The following CLNK variants were observed in gnomAD, a reference collection of about 807,000 sequenced individuals.
CLNK encodes the protein cytokine dependent hematopoietic cell linker.
CLNK carries 74 observed loss-of-function variants against 68.6 expected under a neutral mutation model. The ratio of observed to expected loss-of-function variants is 1.08; its 90% CI spans 0.89 to 1.31. The LOEUF is 1.31. Ranked by LOEUF, CLNK falls within the 50% of genes most tolerant of loss-of-function variation. The pLI is 0.00. For missense variants in CLNK, 553 were observed against 515.3 expected (o/e 1.07, Z -0.71); for synonymous variants, 198 against 172.2 (o/e 1.15, Z -1.17).
intron 16 of CLNK, among the ~76,000 whole-genome samples, chr4:10,509,167 T>C (rs994411933): frequency 2.6e-5 from 4 of 151,116 alleles, no homozygotes; most frequent in Admixed American, 6.6e-5. Context: ...GTTAGGTACG[T>C]GACATCAGGT....
At chr4:10,707,488 C>A in the CLNK span, among the ~76,000 whole-genome samples, 14 of 152,212 alleles carry the variant, frequency 9.2e-5, 1 homozygote, top group Admixed American at 8.5e-4. Context: ...TCAAGATATT[C>A]CACCTACCAC....
chr4:10,623,276 C>G (rs1228617316), intron 2 of CLNK, among the ~76,000 whole-genome samples: 1 of 152,162 alleles, frequency 6.6e-6, no homozygotes, highest in African/African-American at 2.4e-5. Context: ...GGTTGACAGA[C>G]CATTCTCTCC....
intron 2 of CLNK, among the ~76,000 whole-genome samples, chr4:10,652,677 T>C (rs1209794971): frequency 2.6e-5 from 4 of 152,220 alleles, no homozygotes; most frequent in Non-Finnish European, 2.9e-5. Flanking sequence ...GTTTCAATCA[T>C]ACATGTATTT....
intron 2 of CLNK, among the ~76,000 whole-genome samples, chr4:10,652,502 T>C (rs973131940): frequency 4.0e-5 from 6 of 150,832 alleles, no homozygotes; most frequent in African/African-American, 1.5e-4. Context: ...CAATATAAAA[T>C]GATATAAAAG....
chr4:10,630,002 T>C (rs1722822259), intron 2 of CLNK, among the ~76,000 whole-genome samples: 1 of 152,160 alleles, frequency 6.6e-6, no homozygotes, highest in Non-Finnish European at 1.5e-5. Flanking sequence ...ATGCTTGGTG[T>C]TTGGGGACCA....
chr4:10,704,873 A>G, the CLNK span, among the ~76,000 whole-genome samples: 1 of 152,210 alleles, frequency 6.6e-6, no homozygotes, highest in African/African-American at 2.4e-5. Context: ...CATGTTAATC[A>G]AAGCAGACTT....
chr4:10,623,345 A>T (rs1347337385), intron 2 of CLNK, among the ~76,000 whole-genome samples: 1 of 152,170 alleles, frequency 6.6e-6, no homozygotes, highest in Non-Finnish European at 1.5e-5. Flanking sequence ...TCTTTTAATA[A>T]AGCCTCATAC....
intron 1 of CLNK, among the ~76,000 whole-genome samples, chr4:10,684,438 T>C (rs1384779320): frequency 5.3e-5 from 8 of 152,148 alleles, no homozygotes; most frequent in Non-Finnish European, 8.8e-5. Flanking sequence ...CATTTAGTCT[T>C]TTAATTTTCT....
the CLNK span, among the ~76,000 whole-genome samples, chr4:10,716,060 T>C: frequency 6.6e-6 from 1 of 152,230 alleles, no homozygotes; most frequent in African/African-American, 2.4e-5. Flanking sequence ...CAAGATTATT[T>C]TTAAAATTGG....
chr4:10,573,798 A>C (rs1437253773), intron 4 of CLNK, among the ~76,000 whole-genome samples: 1 of 151,982 alleles, frequency 6.6e-6, no homozygotes, highest in Non-Finnish European at 1.5e-5. Context: ...ACTCTCCCAG[A>C]TTCCCCAAAT....
intron 1 of CLNK, among the ~76,000 whole-genome samples, chr4:10,678,424 T>C (rs1486383725): frequency 6.6e-6 from 1 of 152,204 alleles, no homozygotes; most frequent in Non-Finnish European, 1.5e-5. Flanking sequence ...ATTTGAAATT[T>C]GGCTAGGAAG....
intron 14 of CLNK, among the ~76,000 whole-genome samples, chr4:10,521,761 T>G (rs191174393): frequency 2.2e-3 from 329 of 152,310 alleles, no homozygotes; most frequent in Admixed American, 4.8e-3. Flanking sequence ...TTGACTCCGT[T>G]AAAACCAGAA....
chr4:10,690,433 C>T, the CLNK span, among the ~76,000 whole-genome samples: 2 of 152,144 alleles, frequency 1.3e-5, no homozygotes, highest in Non-Finnish European at 2.9e-5. Flanking sequence ...ACCACAGAAG[C>T]AGAAGTGGTA....
At chr4:10,623,865 G>A (rs936861470) in intron 2 of CLNK, among the ~76,000 whole-genome samples, 1 of 152,250 alleles carries the variant, frequency 6.6e-6, no homozygotes, top group Non-Finnish European at 1.5e-5. Context: ...AGTCAGGACA[G>A]TGATGTCTTC....
chr4:10,629,823 T>A (rs1036864168), intron 2 of CLNK, among the ~76,000 whole-genome samples: 3 of 152,156 alleles, frequency 2.0e-5, no homozygotes, highest in Non-Finnish European at 4.4e-5. Context: ...ACTGGGAAAT[T>A]CTTTTATAAA....
chr4:10,682,210 C>T (rs1051227542), intron 1 of CLNK, among the ~76,000 whole-genome samples: 1 of 151,794 alleles, frequency 6.6e-6, no homozygotes, highest in Non-Finnish European at 1.5e-5. Context: ...TTGGTAAAAT[C>T]GTGAATGTTT....
the CLNK span, among the ~76,000 whole-genome samples, chr4:10,696,889 G>T: frequency 6.6e-6 from 1 of 152,194 alleles, no homozygotes; most frequent in Non-Finnish European, 1.5e-5. Flanking sequence ...TGTTAAAAAT[G>T]CAGATTCCAG....
At chr4:10,546,077 G>T (rs1463234677) in intron 8 of CLNK, among the ~76,000 whole-genome samples, 1 of 152,064 alleles carries the variant, frequency 6.6e-6, no homozygotes, top group Non-Finnish European at 1.5e-5. Context: ...AACACCTTTG[G>T]GGTCCTTCCT....
At chr4:10,727,247 C>T in the CLNK span, among the ~76,000 whole-genome samples, 2 of 152,170 alleles carry the variant, frequency 1.3e-5, no homozygotes, top group African/African-American at 4.8e-5. Context: ...GATCTTTCTG[C>T]CCACTTAAGG....
Sources: gnomAD v4.1 joint callset for allele counts (sites outside exome capture counted in the v4.1 genomes callset) on GRCh38, gnomAD v4.1.1 for gene constraint, MANE v1.5 for transcripts, NCBI Gene and HGNC (gene_info 2026-07-23, HGNC 2026-07-21) for gene names.